The following DNAI4 variants were observed in gnomAD, a reference collection of about 807,000 sequenced individuals.
The protein encoded by DNAI4 is WD repeat domain 78.
In DNAI4, 85 loss-of-function variants were observed where a neutral mutation model predicts 105.8. The observed-to-expected ratio is 0.80, with a 90% CI of 0.67 to 0.96. The LOEUF (loss-of-function observed/expected upper bound fraction) is 0.96, where lower values mean the gene tolerates loss of function less well. DNAI4 is among the 40% of genes least tolerant of loss of function. The pLI is 0.00. For synonymous variants in DNAI4, 352 were observed against 331.5 expected (o/e 1.06, Z -0.67); for missense variants, 1,014 against 1,005.6 (o/e 1.01, Z -0.11).
At chr1:66,918,593 T>C (rs1366886935) in intron 1 of DNAI4, among the ~76,000 whole-genome samples, 1 of 152,206 alleles carries the variant, frequency 6.6e-6, no homozygotes, top group Non-Finnish European at 1.5e-5. Flanking sequence ...ATATAGCCTA[T>C]ATCAATTTTT....
intron 1 of DNAI4, among the ~76,000 whole-genome samples, chr1:66,914,368 G>GAT (rs1649909236): frequency 6.6e-6 from 1 of 151,822 alleles, no homozygotes; most frequent in Admixed American, 6.6e-5. Context: ...TTTCTGTTAA[G>GAT]ATAAAAACCA....
At chr1:66,838,185 T>C (rs975254436) in intron 9 of DNAI4, among the ~76,000 whole-genome samples, 1 of 152,206 alleles carries the variant, frequency 6.6e-6, no homozygotes, top group Admixed American at 6.5e-5. Flanking sequence ...ATAGACTGAA[T>C]TGTGTCCCCT....
chr1:66,894,560 A>G (rs906460220), intron 2 of DNAI4, among the ~76,000 whole-genome samples: 4 of 152,126 alleles, frequency 2.6e-5, no homozygotes, highest in African/African-American at 7.2e-5. Flanking sequence ...CTTAAAAAAA[A>G]CATTCCCAGC....
chr1:66,901,730 T>G (rs952190602), intron 2 of DNAI4, among the ~76,000 whole-genome samples: 4 of 152,226 alleles, frequency 2.6e-5, no homozygotes, highest in African/African-American at 9.6e-5. Context: ...ATATACTCCT[T>G]CCTGAATCAT....
Position 66,924,797 on chromosome 1 carries a change from C to T in DNAI4, c.35G>A (p.Arg12Gln), listed in dbSNP as rs774142095. The T allele has an allele frequency of 6.2e-7, 1 of 1,614,178 alleles. No homozygotes were observed. Among genetic ancestry groups the T allele is most frequent in the Non-Finnish European group, 8.5e-7 (1 of 1,180,016 alleles). ...TPGKHSGASA[R>Q]AANGGAWGYR... ...CCCCCAAGCTCCTCCGTTAGCGGCT[C>T]GGGCCGAGGCTCCGGAATGTTTGCC... is the stretch of plus-strand genomic sequence containing the variant. Residue 12 changes from arginine to glutamine, a missense_variant, in exon 1 of 17, where the codon CGA (arginine) becomes CAA (glutamine). Physicochemically the swap from Arg to Gln is conservative, Grantham distance 43 (BLOSUM62 1). Transcript: ENST00000371026.
At chr1:66,859,518 T>C (rs961934675) in intron 7 of DNAI4, among the ~76,000 whole-genome samples, 2 of 152,200 alleles carry the variant, frequency 1.3e-5, no homozygotes, top group Non-Finnish European at 2.9e-5. Context: ...AACCGTTTTA[T>C]TCGAAATTAC....
intron 2 of DNAI4, among the ~76,000 whole-genome samples, chr1:66,902,768 C>T (rs2100820832): frequency 6.6e-6 from 1 of 152,246 alleles, no homozygotes; most frequent in Middle Eastern, 3.4e-3. Flanking sequence ...TGTGGATATC[C>T]AGTTGTCCCA....
intron 1 of DNAI4, among the ~76,000 whole-genome samples, chr1:66,910,097 C>T (rs927370160): frequency 6.6e-6 from 1 of 152,036 alleles, no homozygotes. Flanking sequence ...CCTGTAATCC[C>T]AGTACTTTGG....
At chr1:66,830,183 A>G (rs891715172) in intron 13 of DNAI4, among the ~76,000 whole-genome samples, 2 of 152,126 alleles carry the variant, frequency 1.3e-5, no homozygotes, top group African/African-American at 4.8e-5. Context: ...AAACCAAAGT[A>G]AAGAAAAGAA....
Position 66,889,004 on chromosome 1 carries a change from A to G in DNAI4, c.643+2150T>C, listed in dbSNP as rs550031869. Among the ~76,000 whole-genome samples, 6 of 152,318 alleles carry G rather than the reference A, an allele frequency of 3.9e-5. No individual in the cohort carries two copies. In the South Asian group the frequency reaches 1.2e-3, roughly 32 times the overall value. On this transcript the variant is annotated intron_variant, in intron 4 of 16. Coordinates refer to ENST00000371026, the MANE Select transcript of DNAI4 (RefSeq NM_024763.5). ...ATTGGAAGGTGGCAAGAATATCTAC[A>G]GAGAAAGCTGGGGGAGGTTATGACA...
At position 66,924,795 on chromosome 1, in the gene DNAI4, CT is replaced by C; in HGVS notation, c.36del (p.Ala13ProfsTer45). The part of the protein sequence containing the change: ...TPGKHSGASA[R>X]AANGGAWGYR... ...TACCCCCAAGCTCCTCCGTTAGCGG[CT>C]CGGGCCGAGGCTCCGGAATGTTTGC... On this transcript the variant is annotated frameshift_variant, in exon 1 of 17. Coordinates refer to ENST00000371026, the MANE Select transcript of DNAI4 (RefSeq NM_024763.5). LOFTEE classifies it high-confidence loss of function. 6.2e-7 allele frequency: 1 copy of C among 1,614,198 alleles called. No individual in the cohort carries two copies. The highest frequency in any genetic ancestry group is 1.1e-5 in the South Asian group (1 of 91,088).
At chr1:66,862,121 A>G (rs1460271400) in intron 7 of DNAI4, 26 bp downstream of exon 7, 1 of 1,555,266 alleles carries the variant, frequency 6.4e-7, no homozygotes, top group East Asian at 2.3e-5. Flanking sequence ...AGTCATTCAA[A>G]AAAACTAAAA....
At chr1:66,896,702 G>A (rs963439220) in intron 2 of DNAI4, among the ~76,000 whole-genome samples, 3 of 152,010 alleles carry the variant, frequency 2.0e-5, no homozygotes, top group Non-Finnish European at 4.4e-5. Context: ...CTCACCATGC[G>A]ACACCCTGCA....
chr1:66,902,151 T>C (rs3008887), intron 2 of DNAI4, among the ~76,000 whole-genome samples: 13,333 of 152,140 alleles, frequency 0.088, 775 homozygotes, highest in African/African-American at 0.17. Flanking sequence ...CCATTTTTCA[T>C]AGTGGCCACA....
intron 2 of DNAI4, among the ~76,000 whole-genome samples, chr1:66,898,174 C>T (rs1224362750): frequency 6.6e-6 from 1 of 152,130 alleles, no homozygotes; most frequent in East Asian, 1.9e-4. Flanking sequence ...CCTATTCTCC[C>T]TTTTAGAATG....
At chr1:66,919,349 AC>A (rs1276575125) in intron 1 of DNAI4, among the ~76,000 whole-genome samples, 3 of 152,198 alleles carry the variant, frequency 2.0e-5, no homozygotes, top group African/African-American at 7.2e-5. Flanking sequence ...AAATAATCTC[AC>A]ATTAACTCAT....
chr1:66,871,500 GTTT>G lies in DNAI4; in HGVS notation c.807_809del (p.Arg269_Asn270delinsSer). The G allele has an allele frequency of 2.5e-6, 4 of 1,585,208 alleles. No individual in the cohort carries two copies. Among genetic ancestry groups the G allele is most frequent in the Non-Finnish European group, 3.4e-6 (4 of 1,168,732 alleles). ...TTCTACAAAGGACTTCATAATTCTT[GTTT>G]CTCTGACTGTAAAAAATAAAGTGTA... On this transcript the variant is annotated inframe_deletion, in exon 6 of 17. Transcript: ENST00000371026.
chr1:66,878,635 T>TA (rs1407353742), intron 4 of DNAI4, among the ~76,000 whole-genome samples: 1 of 152,210 alleles, frequency 6.6e-6, no homozygotes, highest in East Asian at 1.9e-4. Flanking sequence ...TCTATTAAGC[T>TA]AAACATGAGT....
At chr1:66,911,832 C>CACTGAG (rs56165014) in intron 1 of DNAI4, among the ~76,000 whole-genome samples, 120,398 of 151,516 alleles carry the variant, frequency 0.79, 48,317 homozygotes, top group African/African-American at 0.88. Context: ...TCCCTCTGCT[C>CACTGAG]ATAGATGCAT....
Sources: gnomAD v4.1 joint callset for allele counts (sites outside exome capture counted in the v4.1 genomes callset) on GRCh38, gnomAD v4.1.1 for gene constraint, MANE v1.5 for transcripts, NCBI Gene and HGNC (gene_info 2026-07-23, HGNC 2026-07-21) for gene names.